The following PGM5 variants were observed in gnomAD, a reference collection of about 807,000 sequenced individuals.
PGM5 encodes phosphoglucomutase-like protein 5.
In PGM5, 23 loss-of-function variants were observed where a neutral mutation model predicts 59.2. That is an observed-to-expected ratio of 0.39 (90% CI 0.28 to 0.55). The LOEUF (loss-of-function observed/expected upper bound fraction) is 0.55, where lower values mean the gene tolerates loss of function less well. Ranked by LOEUF, PGM5 falls within the 20% of genes least tolerant of loss-of-function variation. The pLI is 0.66. For missense variants in PGM5, 574 were observed against 748.3 expected (o/e 0.77, Z 2.72); for synonymous variants, 214 against 286.0 (o/e 0.75, Z 2.54).
At position 68,400,721 on chromosome 9, in the gene PGM5, T is replaced by C. The variant is rs191293228; in HGVS notation, c.1043+8248T>C. The C allele has an allele frequency of 3.4e-3, 520 of 152,684 alleles. 1 individual carries two copies. Among genetic ancestry groups the C allele is most frequent in the African/African-American group, 0.012 (492 of 41,572 alleles). 9.5% of individuals were successfully genotyped at this position (152,684 alleles called of 1,614,324 possible). A position where few individuals can be genotyped will look rare whatever the true frequency, so the allele number is the denominator to read the frequency against. The stretch of plus-strand genomic sequence containing the variant: ...TAAAACTATGCCTGATTTGTGGTTT[T>C]CGTTTACATTTAGGTGAGTTTGTAA... On this transcript the variant is annotated intron_variant, in intron 6 of 10. Transcript: ENST00000396396.
chr9:68,443,282 A>G (rs1266712713), intron 6 of PGM5, among the ~76,000 whole-genome samples: 1 of 152,222 alleles, frequency 6.6e-6, no homozygotes, highest in African/African-American at 2.4e-5. Flanking sequence ...CACATACTGT[A>G]TCATCCCATT....
intron 1 of PGM5, among the ~76,000 whole-genome samples, chr9:68,364,310 A>G (rs1834638083): frequency 6.6e-6 from 1 of 152,130 alleles, no homozygotes. Context: ...GAATGAGAAT[A>G]TACTTGGTTT....
rs116328283 is a variant in PGM5 at position 68,455,905 on chromosome 9, A to T, written c.1044-9188A>T. Among the ~76,000 whole-genome samples the T allele has an allele frequency of 9.1e-3, 1,393 of 152,260 alleles. 16 individuals carry two copies. Among genetic ancestry groups the T allele is most frequent in the African/African-American group, 0.033 (1,352 of 41,558 alleles). On this transcript the variant is annotated intron_variant, in intron 6 of 10. Coordinates refer to ENST00000396396, the MANE Select transcript of PGM5 (RefSeq NM_021965.4). The stretch of plus-strand genomic sequence containing the variant: ...AATATTGCAAGACAAAAGAACATAC[A>T]ATTTCTTTTTTGTGGCTCTTTTGCA...
intron 6 of PGM5, among the ~76,000 whole-genome samples, chr9:68,417,681 G>A (rs1823057839): frequency 6.6e-6 from 1 of 152,136 alleles, no homozygotes; most frequent in South Asian, 2.1e-4. Context: ...CAATTCTGGG[G>A]CAACTCCTGT....
intron 10 of PGM5, among the ~76,000 whole-genome samples, chr9:68,514,296 C>T (rs572296273): frequency 8.6e-5 from 13 of 151,956 alleles, no homozygotes; most frequent in Non-Finnish European, 1.3e-4. Flanking sequence ...TAAGGAGGCC[C>T]TATCTCTAAA....
At chr9:68,367,354 G>T (rs1375783487) in intron 1 of PGM5, among the ~76,000 whole-genome samples, 1 of 152,054 alleles carries the variant, frequency 6.6e-6, no homozygotes, top group Non-Finnish European at 1.5e-5. Context: ...ATCTTAATCT[G>T]CTCATTTCAT....
At chr9:68,389,629 T>C (rs1554679282) in intron 4 of PGM5, among the ~76,000 whole-genome samples, 1 of 152,132 alleles carries the variant, frequency 6.6e-6, no homozygotes, top group African/African-American at 2.4e-5. Context: ...TATACCACAA[T>C]TTGTTTATCC....
In PGM5 at chr9:68,479,483, G is replaced by T. The variant is rs782530011; in HGVS notation, c.1225G>T (p.Ala409Ser). The T allele has an allele frequency of 6.2e-7, 1 of 1,613,982 alleles. No homozygotes were observed. The highest frequency in any genetic ancestry group is 8.5e-7 in the Non-Finnish European group (1 of 1,179,964). ...CTTGGTCTGGCTCTCCATTATTGCT[G>T]CCCGGAAGCAGAGTGTGGAGGAAAT... Reference protein sequence around the residue: ...AVLVWLSIIAARKQSVEEIVR... With the variant: ...AVLVWLSIIASRKQSVEEIVR... The change falls in exon 8 of 11, where the codon GCC becomes TCC. Residue 409 changes from alanine to serine, a missense_variant. Coordinates refer to ENST00000396396, the MANE Select transcript of PGM5 (RefSeq NM_021965.4).
At position 68,415,807 on chromosome 9, in the gene PGM5, C is replaced by CTATCT. The variant is rs1324030944; in HGVS notation, c.1043+23335_1043+23339dup. ...TCTATCTATCTATCTATCTATCTAT[C>CTATCT]TATCTATCTTATCTATCTATCATCT... On this transcript the variant is annotated intron_variant, in intron 6 of 10. Coordinates refer to ENST00000396396, the MANE Select transcript of PGM5 (RefSeq NM_021965.4). Among the ~76,000 whole-genome samples the CTATCT allele has an allele frequency of 2.3e-4, 29 of 125,518 alleles. 1 individual carries two copies. Among genetic ancestry groups the CTATCT allele is most frequent in the African/African-American group, 8.3e-4 (29 of 34,976 alleles). The allele number at this position is 125,518 out of a possible 152,430, so 82.3% of individuals were successfully genotyped here.
chr9:68,408,875 C>A (rs1822869893), intron 6 of PGM5, among the ~76,000 whole-genome samples: 1 of 151,912 alleles, frequency 6.6e-6, no homozygotes, highest in African/African-American at 2.4e-5. Context: ...TGTCAAAGAT[C>A]AGATAGTTGT....
intron 6 of PGM5, among the ~76,000 whole-genome samples, chr9:68,463,725 T>A (rs1650916017): frequency 6.6e-6 from 1 of 152,194 alleles, no homozygotes; most frequent in Admixed American, 6.5e-5. Flanking sequence ...CAGATGCTCT[T>A]TGACTTAAGA....
chr9:68,380,645 TAAAATC>T (rs1554678244), intron 2 of PGM5, among the ~76,000 whole-genome samples: 2 of 151,582 alleles, frequency 1.3e-5, no homozygotes, highest in African/African-American at 4.8e-5. Flanking sequence ...AAAATATAAA[TAAAATC>T]AAAAGTTGGT....
intron 10 of PGM5, among the ~76,000 whole-genome samples, chr9:68,520,583 T>C (rs186988089): frequency 1.3e-5 from 2 of 152,278 alleles, no homozygotes; most frequent in East Asian, 3.9e-4. Flanking sequence ...AAATTACCTA[T>C]ATGCTGAGGA....
At chr9:68,383,348 A>G (rs1350813772) in intron 2 of PGM5, among the ~76,000 whole-genome samples, 1 of 152,146 alleles carries the variant, frequency 6.6e-6, no homozygotes, top group Admixed American at 6.6e-5. Flanking sequence ...AAACTACTAT[A>G]TCTAAAATAT....
At chr9:68,525,401 A>G (rs867665091) in intron 10 of PGM5, among the ~76,000 whole-genome samples, 1 of 152,174 alleles carries the variant, frequency 6.6e-6, no homozygotes, top group Non-Finnish European at 1.5e-5. Context: ...ACTGTCATGC[A>G]CGGCGTAGTG....
At chr9:68,516,669 G>A (rs1824829379) in intron 10 of PGM5, among the ~76,000 whole-genome samples, 1 of 152,060 alleles carries the variant, frequency 6.6e-6, no homozygotes, top group African/African-American at 2.4e-5. Flanking sequence ...ACATGGGAGG[G>A]GGAAGAGCAC....
intron 6 of PGM5, among the ~76,000 whole-genome samples, chr9:68,455,957 T>C (rs1823767921): frequency 6.6e-6 from 1 of 152,254 alleles, no homozygotes; most frequent in Admixed American, 6.5e-5. Flanking sequence ...CCTTGGACTA[T>C]GGCTGTTTGT....
chr9:68,422,632 G>C (rs1823152770), intron 6 of PGM5, among the ~76,000 whole-genome samples: 1 of 151,978 alleles, frequency 6.6e-6, no homozygotes, highest in Admixed American at 6.6e-5. Flanking sequence ...AAGTAAGAAG[G>C]CATATTGTTG....
intron 7 of PGM5, among the ~76,000 whole-genome samples, chr9:68,470,887 C>T (rs1223351389): frequency 6.6e-6 from 1 of 152,174 alleles, no homozygotes; most frequent in African/African-American, 2.4e-5. Flanking sequence ...TGGGCCAGAG[C>T]ACAGAGGTGC....
Sources: allele counts gnomAD v4.1 joint callset (sites outside exome capture counted in the v4.1 genomes callset), GRCh38; gene constraint gnomAD v4.1.1; transcripts MANE v1.5; gene names NCBI Gene and HGNC (gene_info 2026-07-23, HGNC 2026-07-21).